Variants in CDC37L1 observed in about 807,000 individuals in gnomAD.
The protein encoded by CDC37L1 is cell division cycle 37 like 1, HSP90 cochaperone.
CDC37L1 carries 32 observed loss-of-function variants against 45.9 expected under a neutral mutation model. The observed-to-expected ratio is 0.70, with a 90% CI of 0.53 to 0.94. The LOEUF (loss-of-function observed/expected upper bound fraction) is 0.94. Ranked by LOEUF, CDC37L1 falls within the 40% of genes least tolerant of loss-of-function variation. The pLI is 0.00. For synonymous variants in CDC37L1, 150 were observed against 133.0 expected (o/e 1.13, Z -0.88); for missense variants, 434 against 405.7 (o/e 1.07, Z -0.60).
chr9:4,705,634 A>C (rs1051069110), intron 6 of CDC37L1, among the ~76,000 whole-genome samples: 11 of 152,304 alleles, frequency 7.2e-5, no homozygotes, highest in Admixed American at 7.2e-4. Context: ...TGTTGTAATT[A>C]GATGGTAATC....
intron 2 of CDC37L1, 163 bp downstream of exon 2, chr9:4,685,321 A>C: frequency 1.7e-6 from 1 of 590,964 alleles, no homozygotes; most frequent in South Asian, 2.2e-5. Context: ...AAAAAGTCTC[A>C]AAGCTCTTGC....
intron 6 of CDC37L1, among the ~76,000 whole-genome samples, chr9:4,705,197 A>G (rs910228041): frequency 1.3e-5 from 2 of 152,212 alleles, no homozygotes; most frequent in African/African-American, 2.4e-5. Flanking sequence ...TAAAATAAAT[A>G]TAAGTAAAAC....
chr9:4,703,333 G>A (rs904308102), intron 6 of CDC37L1: 5 of 331,686 alleles, frequency 1.5e-5, no homozygotes, highest in African/African-American at 1.1e-4. Flanking sequence ...TTATTATCAG[G>A]AGTCTCTGAG....
chr9:4,695,050 A>G (rs1424104993), intron 3 of CDC37L1, among the ~76,000 whole-genome samples: 1 of 152,222 alleles, frequency 6.6e-6, no homozygotes, highest in Non-Finnish European at 1.5e-5. Flanking sequence ...TTTATCGTGG[A>G]TGGTAGATAG....
At chr9:4,680,013 C>CG in intron 1 of CDC37L1, 114 bp downstream of exon 1, 1 of 1,376,188 alleles carries the variant, frequency 7.3e-7, no homozygotes, top group East Asian at 2.5e-5. Flanking sequence ...ACCTCACTGC[C>CG]AGGGGCCGGG....
chr9:4,685,240 G>A, intron 2 of CDC37L1, 82 bp downstream of exon 2: 1 of 1,066,910 alleles, frequency 9.4e-7, no homozygotes, highest in South Asian at 1.4e-5. Context: ...TGGTAGCAAA[G>A]CAGCAGAATC....
At chr9:4,701,199 A>G (rs1841392887) in intron 5 of CDC37L1, among the ~76,000 whole-genome samples, 1 of 152,196 alleles carries the variant, frequency 6.6e-6, no homozygotes. Flanking sequence ...TCATTTCTCT[A>G]TATTCAGAGG....
chr9:4,679,945 G>A (rs779804868), intron 1 of CDC37L1, 46 bp downstream of exon 1: 7 of 1,605,526 alleles, frequency 4.4e-6, no homozygotes, highest in Admixed American at 1.7e-5. Flanking sequence ...TGGTGCTGTC[G>A]CCAAACCCCT....
intron 6 of CDC37L1, among the ~76,000 whole-genome samples, chr9:4,703,406 T>G (rs1307190487): frequency 6.6e-6 from 1 of 152,128 alleles, no homozygotes; most frequent in Non-Finnish European, 1.5e-5. Context: ...TGTTTGATTT[T>G]TAAATAATTA....
rs1313029477 is a variant in CDC37L1 at position 4,682,329 on chromosome 9, A to ATTTTTTTTTTTTTTTTTTTTTTTTTTTT, written c.132+2445_132+2446insTTTTTTTTTTTTTTTTTTTTTTTTTTTT. ...AGGTGCCCACCACTGTGCCCAGCTA[A>ATTTTTTTTTTTTTTTTTTTTTTTTTTTT]TTTTTTTTTTTTTTTGAGATGGAGT... On this transcript the variant is annotated intron_variant, in intron 1 of 6. Transcript: ENST00000381854. 3.2e-5 allele frequency among the ~76,000 whole-genome samples: 3 copies of ATTTTTTTTTTTTTTTTTTTTTTTTTTTT among 92,840 alleles called. 1 individual carries two copies. The highest frequency in any genetic ancestry group is 1.8e-4 in the African/African-American group (3 of 16,550). The allele number at this position is 92,840 out of a possible 152,430, so 60.9% of individuals were successfully genotyped here. A position where few individuals can be genotyped will look rare whatever the true frequency, so the allele number is the denominator to read the frequency against.
At chr9:4,685,278 T>G (rs1256751639) in intron 2 of CDC37L1, 120 bp downstream of exon 2, 8 of 798,704 alleles carry the variant, frequency 1.0e-5, no homozygotes, top group African/African-American at 1.7e-5. Context: ...TTTTGACAGT[T>G]TATGAAAGGT....
rs1419627276 is a variant in CDC37L1, at chr9:4,708,363, A to T, written c.*2251A>T. On this transcript the variant is annotated 3_prime_UTR_variant, in exon 7 of 7. Coordinates refer to ENST00000381854, the MANE Select transcript of CDC37L1 (RefSeq NM_017913.4). The stretch of plus-strand genomic sequence containing the variant: ...ATCAAAGATTCTTGTTTCATTTGAT[A>T]AAATTAATATTTGAATAAAAAAATT... 6.6e-6 allele frequency: 1 copy of T among 152,150 alleles called. No individual in the cohort carries two copies. Among genetic ancestry groups the T allele is most frequent in the African/African-American group, 2.4e-5 (1 of 41,524 alleles). The allele number at this position is 152,150 out of a possible 1,614,324, so 9.4% of individuals were successfully genotyped here.
intron 3 of CDC37L1, among the ~76,000 whole-genome samples, chr9:4,693,783 T>A (rs1841322491): frequency 6.6e-6 from 1 of 152,226 alleles, no homozygotes; most frequent in Non-Finnish European, 1.5e-5. Flanking sequence ...ATTTACTATG[T>A]CTCAGGCACT....
chr9:4,700,702 G>A (rs1418020984), intron 5 of CDC37L1, among the ~76,000 whole-genome samples: 5 of 151,604 alleles, frequency 3.3e-5, no homozygotes, highest in African/African-American at 1.2e-4. Context: ...TTTGTTCCAG[G>A]GACTATTCTA....
intron 6 of CDC37L1, among the ~76,000 whole-genome samples, chr9:4,702,747 G>C (rs1219341956): frequency 6.6e-6 from 1 of 151,650 alleles, no homozygotes; most frequent in Non-Finnish European, 1.5e-5. Context: ...AAATTAGCCG[G>C]GCGTGGTGGC....
Position 4,681,203 on chromosome 9 carries a change from T to G in CDC37L1, c.132+1304T>G, listed in dbSNP as rs151292698. ...GAAAAAAGGGTGTCAAGAATTTCAG[T>G]GCATTGTGGTTGAATTACAGAAGTA... On this transcript the variant is annotated intron_variant, in intron 1 of 6. Coordinates refer to ENST00000381854, the MANE Select transcript of CDC37L1 (RefSeq NM_017913.4). Among the ~76,000 whole-genome samples the G allele has an allele frequency of 9.3e-4, 141 of 152,364 alleles. 1 individual carries two copies. The Middle Eastern group carries it at 0.01, about 11-fold the overall frequency.
intron 6 of CDC37L1, among the ~76,000 whole-genome samples, chr9:4,704,122 T>A (rs1263165526): frequency 6.6e-6 from 1 of 152,232 alleles, no homozygotes; most frequent in East Asian, 1.9e-4. Flanking sequence ...AATCTTACCA[T>A]AATAATAACA....
chr9:4,683,555 A>G (rs192293713), intron 1 of CDC37L1, among the ~76,000 whole-genome samples: 3 of 152,260 alleles, frequency 2.0e-5, no homozygotes, highest in East Asian at 1.9e-4. Context: ...TAGAAGAGCA[A>G]TGGGAACTGA....
At chr9:4,683,728 A>G (rs1054747555) in intron 1 of CDC37L1, among the ~76,000 whole-genome samples, 3 of 152,208 alleles carry the variant, frequency 2.0e-5, no homozygotes, top group African/African-American at 4.8e-5. Flanking sequence ...CTGCATTTGT[A>G]TAATTCACAT....
Sources: gnomAD v4.1 joint callset for allele counts (sites outside exome capture counted in the v4.1 genomes callset) on GRCh38, gnomAD v4.1.1 for gene constraint, MANE v1.5 for transcripts, NCBI Gene and HGNC (gene_info 2026-07-23, HGNC 2026-07-21) for gene names.